The following RBFOX3 variants were observed in gnomAD, a reference collection of about 807,000 sequenced individuals.
RBFOX3 encodes the protein RNA binding fox-1 homolog 3.
RBFOX3 carries 17 observed loss-of-function variants against 48.7 expected under a neutral mutation model. The observed-to-expected ratio is 0.35, with a 90% CI of 0.24 to 0.52. RBFOX3 has a LOEUF of 0.52. Ranked by LOEUF, RBFOX3 falls within the 20% of genes least tolerant of loss-of-function variation. RBFOX3 has a pLI of 0.94. For missense variants in RBFOX3, 382 were observed against 497.5 expected (o/e 0.77, Z 2.21); for synonymous variants, 212 against 209.5 (o/e 1.01, Z -0.10).
the RBFOX3 span, among the ~76,000 whole-genome samples, chr17:79,625,784 C>T: frequency 6.6e-6 from 1 of 152,222 alleles, no homozygotes; most frequent in Admixed American, 6.5e-5. Context: ...AAGAGCAAAA[C>T]TCCGTCTCAA....
intron 4 of RBFOX3, among the ~76,000 whole-genome samples, chr17:79,138,709 A>AT (rs76586779): frequency 4.1e-5 from 2 of 48,266 alleles, no homozygotes; most frequent in Non-Finnish European, 7.6e-5. Context: ...ACATGCGTTC[A>AT]CACCCCCTCA....
chr17:79,374,945 G>A (rs111516514), intron 2 of RBFOX3, among the ~76,000 whole-genome samples: 2,663 of 152,086 alleles, frequency 0.018, 41 homozygotes, highest in Non-Finnish European at 0.026. Flanking sequence ...CCCAAGCTGC[G>A]GCTGCTTCCC....
intron 4 of RBFOX3, among the ~76,000 whole-genome samples, chr17:79,178,765 C>T (rs181622225): frequency 1.2e-3 from 186 of 152,360 alleles, no homozygotes; most frequent in Middle Eastern, 6.8e-3. Context: ...CCTTTCCCCC[C>T]AATCATTCCC....
At chr17:79,566,362 T>C (rs1296647971) in intron 1 of RBFOX3, among the ~76,000 whole-genome samples, 1 of 152,152 alleles carries the variant, frequency 6.6e-6, no homozygotes, top group Non-Finnish European at 1.5e-5. Flanking sequence ...TAAAGAGCCT[T>C]CCTCAGTAGC....
At chr17:79,536,467 C>G (rs1555788735) in intron 1 of RBFOX3, among the ~76,000 whole-genome samples, 1 of 152,256 alleles carries the variant, frequency 6.6e-6, no homozygotes, top group East Asian at 1.9e-4. Context: ...ACCATGGAAG[C>G]CTGAACATCT....
intron 4 of RBFOX3, among the ~76,000 whole-genome samples, chr17:79,180,711 A>G (rs8076283): frequency 0.72 from 109,207 of 151,878 alleles, 40,377 homozygotes; most frequent in African/African-American, 0.9. Context: ...GTGTGTGCTC[A>G]CCTAAAAACA....
At chr17:79,153,897 T>G (rs943471611) in intron 4 of RBFOX3, among the ~76,000 whole-genome samples, 1 of 152,144 alleles carries the variant, frequency 6.6e-6, no homozygotes, top group African/African-American at 2.4e-5. Flanking sequence ...CCAGCCCCCA[T>G]GATCCATTCC....
At position 79,106,794 on chromosome 17, in the gene RBFOX3, G is replaced by A. The variant is rs2077458029; in HGVS notation, c.223-6C>T. 6.6e-7 allele frequency: 1 copy of A among 1,514,548 alleles called. No individual in the cohort carries two copies. The highest frequency in any genetic ancestry group is 1.4e-5 in the African/African-American group (1 of 70,662). 93.8% of individuals were successfully genotyped at this position (1,514,548 alleles called of 1,614,324 possible). On this transcript the variant is annotated splice_polypyrimidine_tract_variant and splice_region_variant and intron_variant, in intron 5 of 14. Transcript: ENST00000693108. ...TGTGCCGCCTCGTCTGTCTGCTGCA[G>A]GGAGAGGACTGGGCTGTGGAGGCTG...
At chr17:79,558,864 G>A (rs2091973816) in intron 1 of RBFOX3, among the ~76,000 whole-genome samples, 1 of 152,150 alleles carries the variant, frequency 6.6e-6, no homozygotes, top group Admixed American at 6.5e-5. Context: ...CAGCATGGAG[G>A]GCACAGAGAG....
At chr17:79,577,980 C>T (rs1379667252) in intron 1 of RBFOX3, among the ~76,000 whole-genome samples, 1 of 152,240 alleles carries the variant, frequency 6.6e-6, no homozygotes, top group African/African-American at 2.4e-5. Flanking sequence ...CCCACAGGCT[C>T]CTAAAAATAA....
At chr17:79,209,913 C>T (rs531357189) in intron 4 of RBFOX3, among the ~76,000 whole-genome samples, 1 of 149,426 alleles carries the variant, frequency 6.7e-6, no homozygotes, top group African/African-American at 2.5e-5. Context: ...AGGAGAATGG[C>T]GTGAACCTGG....
chr17:79,330,373 GT>G (rs764292280), intron 2 of RBFOX3, among the ~76,000 whole-genome samples: 1 of 152,150 alleles, frequency 6.6e-6, no homozygotes, highest in Non-Finnish European at 1.5e-5. Flanking sequence ...CTACACAGGA[GT>G]CCCCCCAGTT....
At chr17:79,181,962 AACACACACACAC>A (rs56842759) in intron 4 of RBFOX3, among the ~76,000 whole-genome samples, 2,149 of 148,380 alleles carry the variant, frequency 0.014, 22 homozygotes, top group South Asian at 0.024. Context: ...GTCTCCAAGA[AACACACACACAC>A]ACACACACAC....
At chr17:79,647,373 C>T in the RBFOX3 span, among the ~76,000 whole-genome samples, 170 of 152,270 alleles carry the variant, frequency 1.1e-3, no homozygotes, top group African/African-American at 4.0e-3. Flanking sequence ...CAACGCAGTG[C>T]GAGGTCTCTG....
chr17:79,314,576 A>C (rs2077278747), intron 2 of RBFOX3, among the ~76,000 whole-genome samples: 1 of 152,182 alleles, frequency 6.6e-6, no homozygotes, highest in Non-Finnish European at 1.5e-5. Flanking sequence ...TGGGAGTTTC[A>C]TGAATGAAAG....
rs12601164 is a variant in RBFOX3, at chr17:79,207,322, C to A, written c.-34+28444G>T. 2.7e-3 allele frequency among the ~76,000 whole-genome samples: 410 copies of A among 152,338 alleles called. 9 individuals are homozygous for A. In the East Asian group the frequency reaches 0.058, roughly 21 times the overall value. On this transcript the variant is annotated intron_variant, in intron 4 of 14. Coordinates refer to ENST00000693108, the MANE Select transcript of RBFOX3 (RefSeq NM_001350451.2). ...AGGACAGGTACAGAGTTGAAACTTC[C>A]TCTCCATGTGCCCAAACTCACTGCT... is the stretch of plus-strand genomic sequence containing the variant.
At chr17:79,573,133 C>T (rs2092735803) in intron 1 of RBFOX3, among the ~76,000 whole-genome samples, 2 of 152,206 alleles carry the variant, frequency 1.3e-5, no homozygotes, top group African/African-American at 4.8e-5. Context: ...TTCTTTCTGT[C>T]CCCTCTCCCT....
At chr17:79,261,642 C>T (rs925792911) in intron 3 of RBFOX3, among the ~76,000 whole-genome samples, 9 of 152,192 alleles carry the variant, frequency 5.9e-5, no homozygotes, top group East Asian at 1.9e-4. Flanking sequence ...CCAGGTGACA[C>T]GGAGGCTGCT....
intron 2 of RBFOX3, among the ~76,000 whole-genome samples, chr17:79,445,987 T>C (rs1214997937): frequency 6.6e-6 from 1 of 152,168 alleles, no homozygotes; most frequent in Non-Finnish European, 1.5e-5. Context: ...TGCTGGCACA[T>C]GGCGAGCGGA....
Sources: gnomAD v4.1 joint callset for allele counts (sites outside exome capture counted in the v4.1 genomes callset) on GRCh38, gnomAD v4.1.1 for gene constraint, MANE v1.5 for transcripts, NCBI Gene and HGNC (gene_info 2026-07-23, HGNC 2026-07-21) for gene names.